The following CCNG1 variants were observed in gnomAD, a reference collection of about 807,000 sequenced individuals.
CCNG1 encodes the protein cyclin G1, also known as cyclin-G1.
A neutral mutation model predicts 30.0 loss-of-function variants in CCNG1; 13 were observed. The ratio of observed to expected loss-of-function variants is 0.43; its 90% confidence interval spans 0.28 to 0.69. The LOEUF is 0.69. Ranked by LOEUF, CCNG1 falls within the 30% of genes least tolerant of loss-of-function variation. The pLI is 0.16. For synonymous variants in CCNG1, 110 were observed against 121.5 expected (o/e 0.91, Z 0.62); for missense variants, 285 against 331.4 (o/e 0.86, Z 1.09).
chr5:163,454,303 G>T, the CCNG1 span, among the ~76,000 whole-genome samples: 1 of 152,016 alleles, frequency 6.6e-6, no homozygotes, highest in Non-Finnish European at 1.5e-5. Flanking sequence ...TTCAATAAAA[G>T]TCTGTAGTTA....
intron 1 of CCNG1, among the ~76,000 whole-genome samples, chr5:163,438,167 AT>A (rs1468331418): frequency 1.3e-5 from 2 of 152,132 alleles, no homozygotes; most frequent in Non-Finnish European, 2.9e-5. Flanking sequence ...TGGTTGTGTT[AT>A]GCACACTTAA....
downstream of CCNG1, chr5:163,448,698 T>C (rs1183852711): frequency 6.6e-6 from 1 of 152,052 alleles, no homozygotes; most frequent in Admixed American, 6.6e-5. Flanking sequence ...AATTGCACAA[T>C]ATCCAAAATG....
At position 163,441,280 on chromosome 5, in the gene CCNG1, A is replaced by C; in HGVS notation, c.467A>C (p.Gln156Pro). The change falls in exon 3 of 7, where the codon CAA becomes CCA. Residue 156 changes from glutamine to proline, a missense_variant. Transcript: ENST00000340828. The stretch of plus-strand genomic sequence containing the variant: ...AAAGTCAAAGCTACTACTGCCTTTC[A>C]ATTTCTGCAACTGTATTATTCACTC... ...CWKVKATTAF[Q>P]FLQLYYSLLQ... 6.2e-7 allele frequency: 1 copy of C among 1,613,994 alleles called. No homozygotes were observed. The highest frequency in any genetic ancestry group is 1.1e-5 in the South Asian group (1 of 91,072).
At chr5:163,451,282 A>G in the CCNG1 span, 1 of 152,332 alleles carries the variant, frequency 6.6e-6, no homozygotes, top group Admixed American at 6.5e-5. Flanking sequence ...TGTTGTTACA[A>G]TAAAGCGTTT....
At chr5:163,457,062 C>G in the CCNG1 span, 2 of 1,606,154 alleles carry the variant, frequency 1.2e-6, no homozygotes, top group East Asian at 4.5e-5. Flanking sequence ...AAGAACAATA[C>G]GAACCATTTT....
In CCNG1 at chr5:163,441,997, A is replaced by G. The variant is rs201512622; in HGVS notation, c.597+33A>G. The G allele has an allele frequency of 2.5e-5, 40 of 1,582,426 alleles. No individual in the cohort carries two copies. In the African/African-American group the frequency reaches 5.2e-4, roughly 21 times the overall value. ...TTTTATAAAGATTATGCCTATTGAT[A>G]TGATCTGTTTTTATATTTGGCATTT... is the stretch of plus-strand genomic sequence containing the variant. On this transcript the variant is annotated intron_variant, in intron 4 of 6. Coordinates refer to ENST00000340828, the MANE Select transcript of CCNG1 (RefSeq NM_004060.4).
chr5:163,456,562 A>G, the CCNG1 span, among the ~76,000 whole-genome samples: 1 of 152,196 alleles, frequency 6.6e-6, no homozygotes, highest in South Asian at 2.1e-4. Flanking sequence ...AATAGCCAAC[A>G]TATGAGATGA....
At chr5:163,440,394 A>T (rs1757746535) in intron 2 of CCNG1, among the ~76,000 whole-genome samples, 1 of 152,236 alleles carries the variant, frequency 6.6e-6, no homozygotes, top group Admixed American at 6.5e-5. Flanking sequence ...AAGTCATAAT[A>T]AGAAAAATAA....
In CCNG1 at chr5:163,444,983, G is replaced by T. The variant is rs1212171520; in HGVS notation, c.*1313G>T. 2.0e-5 allele frequency: 3 copies of T among 152,268 alleles called. No individual in the cohort carries two copies. The highest frequency in any genetic ancestry group is 4.4e-5 in the Non-Finnish European group (3 of 68,010). The allele number at this position is 152,268 out of a possible 1,614,324, so 9.4% of individuals were successfully genotyped here. On this transcript the variant is annotated 3_prime_UTR_variant, in exon 7 of 7. Coordinates refer to ENST00000340828, the MANE Select transcript of CCNG1 (RefSeq NM_004060.4). ...ACTACCATTATGTTTTAGTACTAAG[G>T]GATATACCTTTCAATAAAGTTAATG...
Position 163,442,054 on chromosome 5 carries a change from T to C in CCNG1, c.607T>C (p.Leu203=), listed in dbSNP as rs773268253. 4.3e-6 allele frequency: 7 copies of C among 1,611,232 alleles called. No homozygotes were observed. In the Admixed American group the frequency reaches 6.7e-5, roughly 15 times the overall value. The change falls in exon 5 of 7, where the codon TTG becomes CTG. Residue 203 remains leucine (L), a synonymous_variant. Transcript: ENST00000340828. ...AATTTATCTCTTTTAGCCTTCTGTGTTGGCATTGTCTATCATTGCATTAGA... is the reference window on the plus strand; with the variant it reads ...AATTTATCTCTTTTAGCCTTCTGTGCTGGCATTGTCTATCATTGCATTAGA... ...IIFSKAKPSV[L]ALSIIALEIQ... is the part of the protein sequence containing the mutation.
At chr5:163,439,577 G>A in intron 2 of CCNG1, 57 bp downstream of exon 2, 1 of 1,491,734 alleles carries the variant, frequency 6.7e-7, no homozygotes. Context: ...AGATGGAATT[G>A]TTACCTTTTG....
intron 3 of CCNG1, 23 bp from the exon 4 acceptor site, chr5:163,441,858 TAAAAG>T (rs1412451935): frequency 7.3e-7 from 1 of 1,371,562 alleles, no homozygotes; most frequent in South Asian, 1.2e-5. Flanking sequence ...TATTACCTAA[TAAAAG>T]TAATACCATT....
chr5:163,456,950 T>C, the CCNG1 span: 29 of 1,610,626 alleles, frequency 1.8e-5, no homozygotes, highest in Admixed American at 4.7e-4. Flanking sequence ...ATCTCTCTAA[T>C]GTAAGCTTTC....
At position 163,443,311 on chromosome 5, in the gene CCNG1, C is replaced by CA. The variant is rs35396845; in HGVS notation, c.*4-346dup. Among the ~76,000 whole-genome samples, 443 of 90,108 alleles carry CA rather than the reference C, an allele frequency of 4.9e-3. 4 individuals are homozygous for CA. The highest frequency in any genetic ancestry group is 0.016 in the East Asian group (57 of 3,518). The allele number at this position is 90,108 out of a possible 152,430, so 59.1% of individuals were successfully genotyped here. On this transcript the variant is annotated intron_variant, in intron 6 of 6. Transcript: ENST00000340828. ...TGGGCGACAGAGCAAGACTCCGCCA[C>CA]AAAAAAAAAAAAAAAAAGAAAAAAA...
intron 3 of CCNG1, 111 bp downstream of exon 3, chr5:163,441,442 A>T: frequency 9.7e-7 from 1 of 1,029,642 alleles, no homozygotes; most frequent in Non-Finnish European, 1.4e-6. Flanking sequence ...AAGTAAAATG[A>T]CAGCTGTGGC....
the CCNG1 span, chr5:163,456,990 G>A: frequency 2.5e-6 from 4 of 1,612,786 alleles, no homozygotes; most frequent in South Asian, 3.3e-5. Context: ...CCAAGGATCC[G>A]CTGCATATTC....
In CCNG1 at chr5:163,441,236, A is replaced by G; in HGVS notation, c.423A>G (p.Val141=). 6.2e-7 allele frequency: 1 copy of G among 1,614,024 alleles called. No homozygotes were observed. Among genetic ancestry groups the G allele is most frequent in the Non-Finnish European group, 8.5e-7 (1 of 1,179,908 alleles). The stretch of plus-strand genomic sequence containing the variant: ...ACTTGATGAGAATGGAAAAGATTGT[A>G]TTGGAGAAGGTGTGTTGGAAAGTCA... ...VSDLMRMEKI[V]LEKVCWKVKA... Residue 141 remains valine (V), a synonymous_variant, in exon 3 of 7, where the codon GTA becomes GTG. Coordinates refer to ENST00000340828, the MANE Select transcript of CCNG1 (RefSeq NM_004060.4).
the CCNG1 span, chr5:163,453,565 G>A: frequency 1.3e-5 from 2 of 153,036 alleles, no homozygotes; most frequent in African/African-American, 4.8e-5. Context: ...CTTAGACAAA[G>A]GGGTACACAA....
chr5:163,454,916 AC>A, the CCNG1 span, among the ~76,000 whole-genome samples: 1 of 152,200 alleles, frequency 6.6e-6, no homozygotes, highest in Non-Finnish European at 1.5e-5. Flanking sequence ...CCATAAATCA[AC>A]CAGTACAGGG....
Sources: allele counts gnomAD v4.1 joint callset (sites outside exome capture counted in the v4.1 genomes callset), GRCh38; gene constraint gnomAD v4.1.1; transcripts MANE v1.5; gene names NCBI Gene and HGNC (gene_info 2026-07-23, HGNC 2026-07-21).